The following RBFOX1 variants were observed in gnomAD, a reference collection of about 807,000 sequenced individuals.
The protein encoded by RBFOX1 is RNA binding fox-1 homolog 1.
In RBFOX1, 8 loss-of-function variants were observed where a neutral mutation model predicts 57.7. The observed-to-expected ratio is 0.14, with a 90% CI of 0.08 to 0.25. The LOEUF (loss-of-function observed/expected upper bound fraction) is 0.25, where lower values mean the gene tolerates loss of function less well. RBFOX1 is among the 10% of genes least tolerant of loss of function. RBFOX1 has a pLI of 1.00. For synonymous variants in RBFOX1, 326 were observed against 222.4 expected (o/e 1.47, Z -4.15); for missense variants, 611 against 548.5 (o/e 1.11, Z -1.14).
chr16:7,687,617 T>G (rs2076339210), intron 14 of RBFOX1, among the ~76,000 whole-genome samples: 1 of 152,020 alleles, frequency 6.6e-6, no homozygotes, highest in Non-Finnish European at 1.5e-5. Context: ...CTAGCAATTT[T>G]AACAACAAGA....
At chr16:5,316,565 A>G (rs1385793619) in intron 1 of RBFOX1, among the ~76,000 whole-genome samples, 1 of 152,240 alleles carries the variant, frequency 6.6e-6, no homozygotes, top group African/African-American at 2.4e-5. Flanking sequence ...CATTGGGCAC[A>G]TTACTTAGCC....
intron 4 of RBFOX1, among the ~76,000 whole-genome samples, chr16:7,153,950 A>T (rs746226457): frequency 6.6e-6 from 1 of 152,146 alleles, no homozygotes; most frequent in Non-Finnish European, 1.5e-5. Flanking sequence ...AATGACGAGA[A>T]TGGAGATAAA....
At chr16:6,574,358 T>G (rs1187308720) in intron 2 of RBFOX1, among the ~76,000 whole-genome samples, 1 of 151,522 alleles carries the variant, frequency 6.6e-6, no homozygotes, top group Non-Finnish European at 1.5e-5. Flanking sequence ...AGTTTTTCAC[T>G]AGCGTGGGAA....
At chr16:6,974,342 T>C (rs1408492299) in intron 3 of RBFOX1, among the ~76,000 whole-genome samples, 23 of 107,888 alleles carry the variant, frequency 2.1e-4, no homozygotes, top group African/African-American at 6.0e-4. Flanking sequence ...TTTTCTTTTT[T>C]TTTTTTTTTT....
intron 4 of RBFOX1, among the ~76,000 whole-genome samples, chr16:7,301,447 A>C (rs1454293853): frequency 6.6e-6 from 1 of 152,150 alleles, no homozygotes; most frequent in Non-Finnish European, 1.5e-5. Flanking sequence ...GACTGTGAAA[A>C]CTTAAGTTTA....
intron 4 of RBFOX1, among the ~76,000 whole-genome samples, chr16:7,068,776 A>G (rs972001614): frequency 3.3e-5 from 5 of 152,042 alleles, no homozygotes; most frequent in African/African-American, 7.3e-5. Context: ...TTTAGCAGAG[A>G]TGGAGTTTCA....
intron 3 of RBFOX1, among the ~76,000 whole-genome samples, chr16:5,688,130 G>C (rs1200404609): frequency 6.6e-6 from 1 of 152,158 alleles, no homozygotes; most frequent in Non-Finnish European, 1.5e-5. Context: ...GTAGTTCTAA[G>C]GAGAAGCTGA....
chr16:6,586,714 G>T (rs140727730), intron 2 of RBFOX1, among the ~76,000 whole-genome samples: 169 of 152,248 alleles, frequency 1.1e-3, no homozygotes, highest in Non-Finnish European at 1.8e-3. Flanking sequence ...CAGCTCAGGA[G>T]CCTGACGGCA....
intron 4 of RBFOX1, among the ~76,000 whole-genome samples, chr16:7,153,132 G>C (rs1381209249): frequency 6.6e-6 from 1 of 152,064 alleles, no homozygotes; most frequent in Non-Finnish European, 1.5e-5. Flanking sequence ...AAAAATTAAA[G>C]CAGCTGAATA....
intron 3 of RBFOX1, among the ~76,000 whole-genome samples, chr16:5,644,026 G>T (rs756204112): frequency 6.6e-6 from 1 of 152,132 alleles, no homozygotes; most frequent in East Asian, 1.9e-4. Context: ...AAAACGTGCA[G>T]ACTGCGTCGT....
intron 1 of RBFOX1, among the ~76,000 whole-genome samples, chr16:6,312,194 A>C (rs2080406040): frequency 6.6e-6 from 1 of 152,154 alleles, no homozygotes; most frequent in South Asian, 2.1e-4. Context: ...CATGTTTCTT[A>C]CACAGCACAG....
At chr16:7,301,406 ATGT>A (rs1301397398) in intron 4 of RBFOX1, among the ~76,000 whole-genome samples, 1 of 152,168 alleles carries the variant, frequency 6.6e-6, no homozygotes, top group African/African-American at 2.4e-5. Flanking sequence ...TCTGGTTCTC[ATGT>A]TGTACTTTGC....
At chr16:7,295,925 G>A (rs548451246) in intron 4 of RBFOX1, among the ~76,000 whole-genome samples, 1 of 152,314 alleles carries the variant, frequency 6.6e-6, no homozygotes, top group South Asian at 2.1e-4. Flanking sequence ...AATGAGAAGG[G>A]TGTTTGGTTT....
intron 1 of RBFOX1, among the ~76,000 whole-genome samples, chr16:5,423,650 A>C (rs1244388676): frequency 2.0e-5 from 3 of 152,134 alleles, no homozygotes; most frequent in African/African-American, 7.2e-5. Flanking sequence ...CTGCTGTCTT[A>C]TTGATATAAT....
chr16:7,433,967 A>G (rs2098702628), intron 4 of RBFOX1, among the ~76,000 whole-genome samples: 1 of 152,182 alleles, frequency 6.6e-6, no homozygotes, highest in Admixed American at 6.5e-5. Flanking sequence ...GTTAAGTGCA[A>G]TTTTGAGTAT....
chr16:6,323,287 G>A (rs12446927), intron 2 of RBFOX1, among the ~76,000 whole-genome samples: 43,701 of 152,038 alleles, frequency 0.29, 7,458 homozygotes, highest in Middle Eastern at 0.4. Context: ...GCACCCCACT[G>A]TCAGCCTCGT....
At chr16:6,454,578 T>C (rs968224722) in intron 2 of RBFOX1, among the ~76,000 whole-genome samples, 1 of 152,078 alleles carries the variant, frequency 6.6e-6, no homozygotes, top group Non-Finnish European at 1.5e-5. Context: ...AAACAAAAAA[T>C]GAAAACAAAC....
At chr16:7,290,420 T>G (rs1411391836) in intron 4 of RBFOX1, among the ~76,000 whole-genome samples, 1 of 152,172 alleles carries the variant, frequency 6.6e-6, no homozygotes, top group Non-Finnish European at 1.5e-5. Flanking sequence ...AAATATCTCA[T>G]TAATCTGGAA....
At chr16:5,699,005 T>C (rs1249637465) in intron 3 of RBFOX1, among the ~76,000 whole-genome samples, 1 of 76,932 alleles carries the variant, frequency 1.3e-5, no homozygotes, top group African/African-American at 4.0e-5. Flanking sequence ...TTTTTTTTTT[T>C]GAGACAGAGT....
Sources: gnomAD v4.1 joint callset for allele counts (sites outside exome capture counted in the v4.1 genomes callset) on GRCh38, gnomAD v4.1.1 for gene constraint, MANE v1.5 for transcripts, NCBI Gene and HGNC (gene_info 2026-07-23, HGNC 2026-07-21) for gene names.